CDH4: variants seen among roughly 807,000 people sequenced by gnomAD.
CDH4 encodes the protein cadherin 4, also known as cadherin-4.
Under a neutral mutation model 86.0 loss-of-function variants are expected in CDH4, and 33 were observed. The ratio of observed to expected loss-of-function variants is 0.38; its 90% CI spans 0.29 to 0.51. The LOEUF (loss-of-function observed/expected upper bound fraction) is 0.51, where lower values mean the gene tolerates loss of function less well. Among genes scored for constraint, CDH4 ranks in the 20% least tolerant of loss-of-function variants. The pLI, the probability that CDH4 is intolerant of heterozygous loss-of-function variation, is 0.86. For missense variants in CDH4, 1,114 were observed against 1,307.4 expected (o/e 0.85, Z 2.28); for synonymous variants, 555 against 549.4 (o/e 1.01, Z -0.14).
At chr20:61,619,256 C>G (rs2086750216) in intron 2 of CDH4, among the ~76,000 whole-genome samples, 1 of 152,092 alleles carries the variant, frequency 6.6e-6, no homozygotes, top group African/African-American at 2.4e-5. Context: ...CAGCCCCAGC[C>G]CCAGCTGCCA....
chr20:61,844,180 T>C (rs868218379), intron 4 of CDH4, among the ~76,000 whole-genome samples: 1 of 152,236 alleles, frequency 6.6e-6, no homozygotes, highest in African/African-American at 2.4e-5. Context: ...CCTCCCCCAG[T>C]TAGCAGCCTT....
intron 2 of CDH4, among the ~76,000 whole-genome samples, chr20:61,620,334 A>G (rs4925262): frequency 0.97 from 146,516 of 150,964 alleles, 71,076 homozygotes; most frequent in East Asian, 0.99. Flanking sequence ...ATGGATGGAT[A>G]GATGGATGGA....
chr20:61,272,781 G>C (rs1211945705), intron 2 of CDH4, among the ~76,000 whole-genome samples: 2 of 148,446 alleles, frequency 1.3e-5, no homozygotes, highest in African/African-American at 2.5e-5. Context: ...GGGGAGTACT[G>C]TGTGCAGTTT....
chr20:61,867,796 A>T (rs1983616136), intron 6 of CDH4, among the ~76,000 whole-genome samples: 1 of 152,220 alleles, frequency 6.6e-6, no homozygotes, highest in Non-Finnish European at 1.5e-5. Flanking sequence ...GATAAAAGCC[A>T]CTGCAAGCTT....
chr20:61,785,827 T>C (rs1978851867), intron 4 of CDH4, among the ~76,000 whole-genome samples: 1 of 152,220 alleles, frequency 6.6e-6, no homozygotes, highest in Admixed American at 6.5e-5. Flanking sequence ...CCCCTGATGC[T>C]CCAGCTCTAG....
intron 2 of CDH4, among the ~76,000 whole-genome samples, chr20:61,540,631 T>C (rs571561143): frequency 3.3e-4 from 50 of 152,312 alleles, no homozygotes; most frequent in African/African-American, 1.1e-3. Context: ...GAAGATCTTA[T>C]AAAGCCACAT....
At chr20:61,299,069 G>GA (rs1284274719) in intron 2 of CDH4, among the ~76,000 whole-genome samples, 2 of 151,764 alleles carry the variant, frequency 1.3e-5, no homozygotes, top group African/African-American at 2.4e-5. Flanking sequence ...ATCATATCTG[G>GA]AAAAAAAATG....
chr20:61,280,132 G>A lies in CDH4; in HGVS notation c.169+25195G>A, dbSNP rs375219390. ...AGTCTGCGTCTGCCAGCCTTGATTG[G>A]GTCTGCCAGGCTGGGTGGGGTGACC... On this transcript the variant is annotated intron_variant, in intron 2 of 15. Coordinates refer to ENST00000614565, the MANE Select transcript of CDH4 (RefSeq NM_001794.5). Among the ~76,000 whole-genome samples, 141 of 152,204 alleles carry A rather than the reference G, an allele frequency of 9.3e-4. 1 individual carries two copies. The highest frequency in any genetic ancestry group is 2.0e-3 in the African/African-American group (85 of 41,522).
At chr20:61,864,645 C>T (rs893440117) in intron 6 of CDH4, among the ~76,000 whole-genome samples, 8 of 152,200 alleles carry the variant, frequency 5.3e-5, no homozygotes, top group African/African-American at 4.8e-5. Flanking sequence ...AGGACACACT[C>T]ACTCAACTCC....
intron 2 of CDH4, among the ~76,000 whole-genome samples, chr20:61,278,022 C>T (rs1279514239): frequency 6.6e-6 from 1 of 152,212 alleles, no homozygotes; most frequent in Non-Finnish European, 1.5e-5. Flanking sequence ...AAAAGCACGT[C>T]TGTTGCCATT....
Position 61,725,724 on chromosome 20 carries a change from A to C in CDH4, c.170-17839A>C, listed in dbSNP as rs970053393. ...CTCTCCAGTGGGCTTTCCCATCTGCAGAGAGACACAAGGGGGGAGGAGGCC... is the reference window on the plus strand; with the variant it reads ...CTCTCCAGTGGGCTTTCCCATCTGCCGAGAGACACAAGGGGGGAGGAGGCC... On this transcript the variant is annotated intron_variant, in intron 2 of 15. Coordinates refer to ENST00000614565, the MANE Select transcript of CDH4 (RefSeq NM_001794.5). Among the ~76,000 whole-genome samples, 8 of 149,088 alleles carry C rather than the reference A, an allele frequency of 5.4e-5. No individual in the cohort carries two copies. In the East Asian group the frequency reaches 1.3e-3, roughly 23 times the overall value.
intron 2 of CDH4, among the ~76,000 whole-genome samples, chr20:61,526,383 C>T (rs914897522): frequency 3.3e-5 from 5 of 152,148 alleles, no homozygotes; most frequent in Non-Finnish European, 5.9e-5. Flanking sequence ...AGGCAGCCCG[C>T]CCAGGTGAGT....
intron 2 of CDH4, among the ~76,000 whole-genome samples, chr20:61,614,642 T>C (rs1307056207): frequency 3.3e-5 from 5 of 152,068 alleles, no homozygotes; most frequent in Non-Finnish European, 7.4e-5. Flanking sequence ...AGTTTGGGTG[T>C]TGGAGAATTG....
At chr20:61,758,758 G>A (rs111322343) in intron 3 of CDH4, among the ~76,000 whole-genome samples, 10,100 of 152,244 alleles carry the variant, frequency 0.066, 404 homozygotes, top group South Asian at 0.11. Context: ...GACGGGGGAC[G>A]AGCCCACCTG....
At chr20:61,474,169 T>G (rs1164102006) in intron 2 of CDH4, among the ~76,000 whole-genome samples, 1 of 137,336 alleles carries the variant, frequency 7.3e-6, no homozygotes, top group Non-Finnish European at 1.6e-5. Flanking sequence ...TTTTTTTTTT[T>G]TTTTTTTTTG....
chr20:61,284,630 G>A lies in CDH4; in HGVS notation c.169+29693G>A, dbSNP rs144154590. Reference sequence around the variant, plus strand: ...CTAGCATGTGCTTAACATGTGCGCCGGACAGAGGTGCTGGTGATGTGGGTG... The same window carrying A: ...CTAGCATGTGCTTAACATGTGCGCCAGACAGAGGTGCTGGTGATGTGGGTG... On this transcript the variant is annotated intron_variant, in intron 2 of 15. Transcript: ENST00000614565. Among the ~76,000 whole-genome samples the A allele has an allele frequency of 1.2e-3, 178 of 152,278 alleles. 1 individual carries two copies. Among genetic ancestry groups the A allele is most frequent in the Admixed American group, 3.2e-3 (49 of 15,290 alleles).
At chr20:61,727,664 T>C (rs946308047) in intron 2 of CDH4, among the ~76,000 whole-genome samples, 3 of 152,074 alleles carry the variant, frequency 2.0e-5, no homozygotes, top group African/African-American at 7.2e-5. Context: ...AAGGAGACCA[T>C]AGGTGTGCAG....
chr20:61,712,852 G>A (rs1047149616), intron 2 of CDH4, among the ~76,000 whole-genome samples: 1 of 152,208 alleles, frequency 6.6e-6, no homozygotes, highest in Non-Finnish European at 1.5e-5. Context: ...GGCAGCCCAG[G>A]AGAGTGAAAG....
intron 8 of CDH4, among the ~76,000 whole-genome samples, chr20:61,895,710 G>A (rs928959111): frequency 2.6e-5 from 4 of 152,216 alleles, no homozygotes; most frequent in Non-Finnish European, 4.4e-5. Flanking sequence ...AGGCCACTGC[G>A]CCGACAGACA....
Sources: allele counts gnomAD v4.1 joint callset (sites outside exome capture counted in the v4.1 genomes callset), GRCh38; gene constraint gnomAD v4.1.1; transcripts MANE v1.5; gene names NCBI Gene and HGNC (gene_info 2026-07-23, HGNC 2026-07-21).